Variants in STXBP3 observed in about 807,000 individuals in gnomAD.
STXBP3 encodes the protein syntaxin-binding protein 3.
STXBP3 carries 41 observed loss-of-function variants against 85.7 expected under a neutral mutation model. The observed-to-expected ratio is 0.48, with a 90% CI of 0.37 to 0.62. The LOEUF (loss-of-function observed/expected upper bound fraction) is 0.62, where lower values mean the gene tolerates loss of function less well. Among genes scored for constraint, STXBP3 ranks in the 20% least tolerant of loss-of-function variants. STXBP3 has a pLI of 0.00. For synonymous variants in STXBP3, 229 were observed against 231.7 expected, an observed-to-expected ratio of 0.99 and a Z score of 0.10; for missense variants, 563 against 703.1, an observed-to-expected ratio of 0.80 and a Z score of 2.25.
At chr1:108,788,674 T>G (rs1662910126) in intron 11 of STXBP3, among the ~76,000 whole-genome samples, 1 of 152,218 alleles carries the variant, frequency 6.6e-6, no homozygotes, top group Non-Finnish European at 1.5e-5. Flanking sequence ...TTTTGAAATG[T>G]CCTCTTATCC....
chr1:108,758,682 G>A, intron 5 of STXBP3, 94 bp downstream of exon 5: 1 of 531,730 alleles, frequency 1.9e-6, no homozygotes, highest in Non-Finnish European at 3.2e-6. Flanking sequence ...TGTCATTAAA[G>A]TATCTACTTT....
intron 6 of STXBP3, among the ~76,000 whole-genome samples, chr1:108,766,018 G>C (rs1294819247): frequency 1.3e-5 from 2 of 151,378 alleles, no homozygotes; most frequent in African/African-American, 4.9e-5. Flanking sequence ...AAGCCCAGCT[G>C]ATTTTTTGTA....
intron 11 of STXBP3, among the ~76,000 whole-genome samples, chr1:108,791,833 AACT>A (rs1314850219): frequency 6.6e-6 from 1 of 152,162 alleles, no homozygotes; most frequent in Non-Finnish European, 1.5e-5. Flanking sequence ...ATCCCCTGAC[AACT>A]ACTAATCTGT....
intron 11 of STXBP3, among the ~76,000 whole-genome samples, chr1:108,788,278 A>G (rs144323584): frequency 7.5e-4 from 114 of 152,060 alleles, no homozygotes; most frequent in Admixed American, 1.3e-3. Context: ...TTCCTCTATC[A>G]CTGGATTTTG....
chr1:108,772,696 ATTACTG>A lies in STXBP3; in HGVS notation c.474_479del (p.Cys159_Tyr160del). The A allele has an allele frequency of 6.4e-7, 1 of 1,565,062 alleles. No homozygotes were observed. ...ACTCTTGATGTACCAGATGCATTCT[ATTACTG>A]TTATAGTCCAGACCCTGGTAATGCA... is the stretch of plus-strand genomic sequence containing the variant. On this transcript the variant is annotated inframe_deletion, in exon 7 of 19. Transcript: ENST00000370008.
At chr1:108,772,044 A>ATC (rs1386620073) in intron 6 of STXBP3, among the ~76,000 whole-genome samples, 22 of 111,466 alleles carry the variant, frequency 2.0e-4, no homozygotes, top group Non-Finnish European at 2.8e-4. Context: ...TATGATATCT[A>ATC]TATATCATAT....
At chr1:108,784,987 C>A (rs1039019381) in intron 11 of STXBP3, among the ~76,000 whole-genome samples, 1 of 152,182 alleles carries the variant, frequency 6.6e-6, no homozygotes, top group Admixed American at 6.5e-5. Context: ...CAGCTCTGCC[C>A]CTGTGGCTTT....
intron 9 of STXBP3, 105 bp downstream of exon 9, chr1:108,779,515 T>C: frequency 8.3e-7 from 1 of 1,204,600 alleles, no homozygotes; most frequent in Admixed American, 2.6e-5. Flanking sequence ...CCCTATAACC[T>C]TTTCTATTCA....
Position 108,804,825 on chromosome 1 carries a change from C to T in STXBP3, c.1536-2576C>T, listed in dbSNP as rs565440270. Among the ~76,000 whole-genome samples, 3 of 152,326 alleles carry T rather than the reference C, an allele frequency of 2.0e-5. No individual in the cohort carries two copies. The South Asian group carries it at 6.2e-4, about 32-fold the overall frequency. On this transcript the variant is annotated intron_variant, in intron 17 of 18. Transcript: ENST00000370008. ...GTCCTGACCTTATGCAGGGTGTCAG[C>T]TCCCAATCTGTACCTTGCACAGTAC...
At chr1:108,798,278 C>A in intron 16 of STXBP3, 41 bp downstream of exon 16, 1 of 1,487,874 alleles carries the variant, frequency 6.7e-7, no homozygotes, top group Non-Finnish European at 9.3e-7. Context: ...TGAGTGCCCT[C>A]TTTAGAGTAT....
At chr1:108,768,851 A>G (rs1240955939) in intron 6 of STXBP3, among the ~76,000 whole-genome samples, 1 of 152,214 alleles carries the variant, frequency 6.6e-6, no homozygotes, top group Non-Finnish European at 1.5e-5. Context: ...TGGTGATTCC[A>G]TGAGTCAAAG....
chr1:108,803,761 C>T (rs1663276522), intron 17 of STXBP3, among the ~76,000 whole-genome samples: 1 of 152,218 alleles, frequency 6.6e-6, no homozygotes, highest in Non-Finnish European at 1.5e-5. Context: ...GCTGGGATTA[C>T]AGGTGTGCGC....
intron 13 of STXBP3, among the ~76,000 whole-genome samples, chr1:108,795,520 A>C (rs1663071434): frequency 6.6e-6 from 1 of 151,934 alleles, no homozygotes; most frequent in Admixed American, 6.6e-5. Flanking sequence ...AAAAACTTTG[A>C]CAACCTGATG....
intron 11 of STXBP3, among the ~76,000 whole-genome samples, chr1:108,787,337 A>G (rs1481655785): frequency 6.6e-6 from 1 of 152,158 alleles, no homozygotes; most frequent in Non-Finnish European, 1.5e-5. Context: ...TTCTAAATTA[A>G]TCTTCCAGAG....
chr1:108,761,157 C>T (rs981214998), intron 6 of STXBP3, among the ~76,000 whole-genome samples: 5 of 152,126 alleles, frequency 3.3e-5, no homozygotes, highest in African/African-American at 9.7e-5. Flanking sequence ...CCAGTATCCT[C>T]GGCCTTCCCA....
intron 1 of STXBP3, among the ~76,000 whole-genome samples, chr1:108,749,455 AG>A (rs1661859421): frequency 6.6e-6 from 1 of 152,240 alleles, no homozygotes; most frequent in Admixed American, 6.5e-5. Context: ...GACCAGCCAC[AG>A]GAGCAAATTC....
rs1570775415 is a variant in STXBP3, at chr1:108,801,665, T to TA, written c.1535+1360_1535+1361insA. Among the ~76,000 whole-genome samples, 5 of 151,644 alleles carry TA rather than the reference T, an allele frequency of 3.3e-5. No individual in the cohort carries two copies. In the East Asian group the frequency reaches 9.7e-4, roughly 29 times the overall value. ...TCTCCCTCCTTTTTTTAATTTTTTT[T>TA]TTTTTTTTAAATAGAGGCAAGGCCT... On this transcript the variant is annotated intron_variant, in intron 17 of 18. Transcript: ENST00000370008.
intron 6 of STXBP3, among the ~76,000 whole-genome samples, chr1:108,762,408 A>G (rs929702183): frequency 2.0e-5 from 3 of 152,158 alleles, no homozygotes; most frequent in African/African-American, 7.2e-5. Context: ...TGCTGGCTCT[A>G]TGAAATTGTC....
chr1:108,796,459 G>A (rs1356868607), intron 14 of STXBP3, 87 bp downstream of exon 14: 2 of 1,224,996 alleles, frequency 1.6e-6, no homozygotes, highest in Non-Finnish European at 2.3e-6. Flanking sequence ...GCTGAACTTG[G>A]TTAAGATAAA....
Sources: allele counts gnomAD v4.1 joint callset (sites outside exome capture counted in the v4.1 genomes callset), GRCh38; gene constraint gnomAD v4.1.1; transcripts MANE v1.5; gene names NCBI Gene and HGNC (gene_info 2026-07-23, HGNC 2026-07-21).